The following LHPP variants were observed in gnomAD, a reference collection of about 807,000 sequenced individuals.
LHPP encodes the protein hLHPP.
LHPP carries 24 observed loss-of-function variants against 30.3 expected under a neutral mutation model. The observed-to-expected ratio is 0.79, with a 90% confidence interval of 0.57 to 1.11. The LOEUF is 1.11. LHPP is among the 50% of genes most tolerant of loss of function. The probability of loss-of-function intolerance (pLI) is 0.00; values close to 1 mark genes in which losing one functional copy is unlikely to be tolerated. For synonymous variants in LHPP, 150 were observed against 157.1 expected (o/e 0.95, Z 0.34); for missense variants, 356 against 367.2 (o/e 0.97, Z 0.25).
chr10:124,569,331 A>G (rs1173869862), intron 6 of LHPP, among the ~76,000 whole-genome samples: 2 of 151,714 alleles, frequency 1.3e-5, no homozygotes, highest in East Asian at 3.9e-4. Flanking sequence ...GAGGCCTTTC[A>G]CCCCGTCAGT....
intron 6 of LHPP, among the ~76,000 whole-genome samples, chr10:124,527,779 T>G (rs937020662): frequency 2.4e-5 from 3 of 125,254 alleles, no homozygotes; most frequent in African/African-American, 8.4e-5. Context: ...GTGCTTTTTT[T>G]TTTTTGTTTT....
chr10:124,544,535 CAAGCTGTCTTTATT>C (rs772279319), intron 6 of LHPP, among the ~76,000 whole-genome samples: 1 of 87,322 alleles, frequency 1.1e-5, no homozygotes, highest in African/African-American at 3.4e-5. Flanking sequence ...TGACACAGCC[CAAGCTGTCTTTATT>C]CACCACCAGA....
rs761750118 is a variant in LHPP, at chr10:124,484,262, G to A, written c.249G>A (p.Pro83=). Residue 83 remains proline (P), a synonymous_variant, in exon 2 of 7, where the codon CCG becomes CCA. Coordinates refer to ENST00000368842, the MANE Select transcript of LHPP (RefSeq NM_022126.4). ...TCTCTGAGCAGGAGGTGACCGCCCC[G>A]GCACCAGCTGCCTGCCAGATCCTGA... ...FDISEQEVTA[P]APAACQILKE... The A allele has an allele frequency of 2.5e-5, 41 of 1,613,876 alleles. No homozygotes were observed. Among genetic ancestry groups the A allele is most frequent in the South Asian group, 2.1e-4 (19 of 91,090 alleles).
At chr10:124,599,862 T>C (rs1797367744) in intron 6 of LHPP, among the ~76,000 whole-genome samples, 1 of 152,214 alleles carries the variant, frequency 6.6e-6, no homozygotes, top group Admixed American at 6.5e-5. Flanking sequence ...GCCCCCATTC[T>C]GGAAGGTCCC....
At chr10:124,493,180 T>C (rs1040043424) in intron 3 of LHPP, among the ~76,000 whole-genome samples, 1 of 150,976 alleles carries the variant, frequency 6.6e-6, no homozygotes, top group Admixed American at 6.6e-5. Context: ...AATGTCATAG[T>C]AGACAAGGGT....
intron 6 of LHPP, among the ~76,000 whole-genome samples, chr10:124,610,884 A>G (rs372371336): frequency 2.9e-4 from 6 of 20,624 alleles, no homozygotes; most frequent in Non-Finnish European, 3.9e-4. Context: ...GAGGGTGCTG[A>G]TGGAGCGGGT....
intron 5 of LHPP, chr10:124,498,531 G>A (rs1476356902): frequency 2.8e-6 from 4 of 1,405,348 alleles, no homozygotes; most frequent in Non-Finnish European, 3.7e-6. Context: ...TGACTATTTT[G>A]GGATAGATTG....
At chr10:124,516,126 C>A (rs187202504) in intron 5 of LHPP, among the ~76,000 whole-genome samples, 1 of 152,370 alleles carries the variant, frequency 6.6e-6, no homozygotes, top group African/African-American at 2.4e-5. Flanking sequence ...TGTGTGGATT[C>A]AACAGCAGAA....
Position 124,613,668 on chromosome 10 carries a change from G to C in LHPP, c.*308G>C, listed in dbSNP as rs553034180. 2.6e-4 allele frequency: 118 copies of C among 457,862 alleles called. No individual in the cohort carries two copies. Among genetic ancestry groups the C allele is most frequent in the African/African-American group, 1.8e-3 (94 of 50,978 alleles). The allele number at this position is 457,862 out of a possible 1,614,324, so 28.4% of individuals were successfully genotyped here. A position where few individuals can be genotyped will look rare whatever the true frequency, so the allele number is the denominator to read the frequency against. On this transcript the variant is annotated 3_prime_UTR_variant, in exon 7 of 7. Coordinates refer to ENST00000368842, the MANE Select transcript of LHPP (RefSeq NM_022126.4). ...CCAGGAGGGTGGGACAGGCCTGTCA[G>C]GCCTCTGGGAATCTCCCAAATCCCA...
intron 6 of LHPP, among the ~76,000 whole-genome samples, chr10:124,527,645 C>G (rs887648424): frequency 1.3e-5 from 2 of 152,222 alleles, no homozygotes; most frequent in Non-Finnish European, 2.9e-5. Flanking sequence ...ACAGAAAAGC[C>G]CAGCCCCACC....
chr10:124,537,678 T>C (rs1955062251), intron 6 of LHPP, among the ~76,000 whole-genome samples: 1 of 152,214 alleles, frequency 6.6e-6, no homozygotes, highest in African/African-American at 2.4e-5. Flanking sequence ...ACAAGGAAAC[T>C]GAGGCCAGAA....
chr10:124,484,670 C>CAGAGAG (rs5788664), intron 2 of LHPP, among the ~76,000 whole-genome samples: 6,346 of 144,212 alleles, frequency 0.044, 409 homozygotes, highest in African/African-American at 0.14. Context: ...GAGAAAGAGA[C>CAGAGAG]AGAGAGAGAG....
chr10:124,578,913 A>T (rs1444398918), intron 6 of LHPP, among the ~76,000 whole-genome samples: 1 of 152,098 alleles, frequency 6.6e-6, no homozygotes, highest in African/African-American at 2.4e-5. Flanking sequence ...CAGAGGCCTC[A>T]GGCCTCCCTG....
intron 6 of LHPP, among the ~76,000 whole-genome samples, chr10:124,606,230 T>G (rs539935885): frequency 2.8e-4 from 42 of 151,284 alleles, no homozygotes; most frequent in Non-Finnish European, 4.9e-4. Flanking sequence ...CACTCTGGCT[T>G]AGTGAAGAAG....
intron 6 of LHPP, chr10:124,546,126 G>A (rs1955332625): frequency 6.6e-6 from 1 of 152,494 alleles, no homozygotes; most frequent in African/African-American, 2.4e-5. Context: ...CTGCAGGTGG[G>A]GTGGAAGGGG....
intron 5 of LHPP, among the ~76,000 whole-genome samples, chr10:124,513,478 T>TTTA (rs1954365545): frequency 7.0e-6 from 1 of 143,386 alleles, no homozygotes; most frequent in African/African-American, 2.6e-5. Flanking sequence ...TTTTTTTTTT[T>TTTA]TTTTGAGACC....
chr10:124,498,691 G>A, intron 5 of LHPP: 1 of 383,816 alleles, frequency 2.6e-6, no homozygotes, highest in Non-Finnish European at 4.6e-6. Flanking sequence ...TTGAGCCAAT[G>A]TCTCCATTTG....
At chr10:124,568,139 C>T (rs1445463320) in intron 6 of LHPP, among the ~76,000 whole-genome samples, 1 of 152,168 alleles carries the variant, frequency 6.6e-6, no homozygotes, top group Non-Finnish European at 1.5e-5. Context: ...TGGTCTCCAT[C>T]TCTCGACCTC....
chr10:124,610,746 A>G (rs111174113), intron 6 of LHPP, among the ~76,000 whole-genome samples: 4 of 57,452 alleles, frequency 7.0e-5, no homozygotes, highest in African/African-American at 2.8e-4. Flanking sequence ...GAGGGTGCTG[A>G]TGGAGCGGGT....
Sources: gnomAD v4.1 joint callset for allele counts (sites outside exome capture counted in the v4.1 genomes callset) on GRCh38, gnomAD v4.1.1 for gene constraint, MANE v1.5 for transcripts, NCBI Gene and HGNC (gene_info 2026-07-23, HGNC 2026-07-21) for gene names.